The following PDE4D variants were observed in gnomAD, a reference collection of about 807,000 sequenced individuals.
The protein encoded by PDE4D is phosphodiesterase 4D.
A neutral mutation model predicts 87.4 loss-of-function variants in PDE4D; 24 were observed. The ratio of observed to expected loss-of-function variants is 0.27; its 90% confidence interval spans 0.20 to 0.39. The LOEUF is 0.39. Among genes scored for constraint, PDE4D ranks in the 10% least tolerant of loss-of-function variants. The pLI is 1.00. For missense variants in PDE4D, 714 were observed against 1,041.0 expected (o/e 0.69, Z 4.32); for synonymous variants, 384 against 383.2 (o/e 1.00, Z -0.02).
chr5:59,375,317 A>T lies in PDE4D; in HGVS notation c.456-159349T>A, dbSNP rs139282458. 4.1e-3 allele frequency among the ~76,000 whole-genome samples: 620 copies of T among 152,296 alleles called. 2 individuals are homozygous for T. The highest frequency in any genetic ancestry group is 6.6e-3 in the Non-Finnish European group (448 of 68,028). Reference sequence around the variant, plus strand: ...TAGATTAATAAAGAAGAAAAGAGAGAAGATTCAAATAAACACAATCAGAAA... The same window carrying T: ...TAGATTAATAAAGAAGAAAAGAGAGTAGATTCAAATAAACACAATCAGAAA... On this transcript the variant is annotated intron_variant, in intron 1 of 14. Transcript: ENST00000340635.
intron 2 of PDE4D, among the ~76,000 whole-genome samples, chr5:60,116,764 T>C (rs1397181947): frequency 1.3e-5 from 2 of 151,988 alleles, no homozygotes; most frequent in Admixed American, 6.6e-5. Flanking sequence ...TCATTGCCCA[T>C]AGGAAATGAC....
intron 1 of PDE4D, among the ~76,000 whole-genome samples, chr5:59,359,786 G>A (rs1221698633): frequency 1.3e-5 from 2 of 152,104 alleles, no homozygotes; most frequent in African/African-American, 4.8e-5. Context: ...ATGAATTTTA[G>A]TAAAAGCATG....
At chr5:60,227,534 G>A (rs1421285431) in intron 1 of PDE4D, among the ~76,000 whole-genome samples, 1 of 149,724 alleles carries the variant, frequency 6.7e-6, no homozygotes, top group East Asian at 2.0e-4. Flanking sequence ...AGGGAGGGAA[G>A]GGAGGAGGAG....
chr5:59,671,624 A>G (rs1398318215), intron 1 of PDE4D, among the ~76,000 whole-genome samples: 2 of 152,042 alleles, frequency 1.3e-5, no homozygotes, highest in Non-Finnish European at 2.9e-5. Flanking sequence ...CCTGGGTAAC[A>G]TGTCCAAACC....
rs55978420 is a variant in PDE4D at position 59,839,357 on chromosome 5, C to T, written c.455+53811G>A. ...AAGTTATCTACCAACAGTTGGGCTT[C>T]TCTCCTTCAACTCCTGCCTGGTTGA... On this transcript the variant is annotated intron_variant, in intron 1 of 14. Coordinates refer to ENST00000340635, the MANE Select transcript of PDE4D (RefSeq NM_001104631.2). Among the ~76,000 whole-genome samples the T allele has an allele frequency of 5.5e-3, 839 of 151,972 alleles. 5 individuals are homozygous for T. The highest frequency in any genetic ancestry group is 7.9e-3 in the Non-Finnish European group (536 of 67,918).
intron 6 of PDE4D, chr5:58,999,515 GTAAA>G: frequency 6.5e-7 from 1 of 1,532,982 alleles, no homozygotes; most frequent in Non-Finnish European, 8.9e-7. Flanking sequence ...GACACTGACA[GTAAA>G]TAGTTTGCTT....
At chr5:60,026,251 A>G (rs1023773092) in intron 2 of PDE4D, among the ~76,000 whole-genome samples, 1 of 152,174 alleles carries the variant, frequency 6.6e-6, no homozygotes, top group African/African-American at 2.4e-5. Context: ...AACAACAACA[A>G]CAGCAACAAA....
rs556946846 is a variant in PDE4D at position 60,457,003 on chromosome 5, G to A, written c.-90+30939C>T. On this transcript the variant is annotated intron_variant, in intron 1 of 16. Coordinates refer to the PDE4D transcript ENST00000502484. ...AGTGAGCTAGTGAGTGTTATCAGTCGAATAGGTCATCTACCCAACTTAATT... is the reference window on the plus strand; with the variant it reads ...AGTGAGCTAGTGAGTGTTATCAGTCAAATAGGTCATCTACCCAACTTAATT... 3.0e-4 allele frequency among the ~76,000 whole-genome samples: 45 copies of A among 152,224 alleles called. No individual in the cohort carries two copies. In the South Asian group the frequency reaches 5.8e-3, roughly 20 times the overall value.
intron 1 of PDE4D, chr5:59,313,993 T>C (rs1773191846): frequency 6.6e-6 from 1 of 152,318 alleles, no homozygotes; most frequent in African/African-American, 2.4e-5. Flanking sequence ...AGATCTATAA[T>C]ATCTCTTTCA....
intron 1 of PDE4D, among the ~76,000 whole-genome samples, chr5:60,353,095 A>G (rs953867904): frequency 5.9e-5 from 9 of 152,168 alleles, no homozygotes; most frequent in Non-Finnish European, 1.2e-4. Flanking sequence ...AGCCTTCAGA[A>G]ATAGTTCCCA....
intron 2 of PDE4D, among the ~76,000 whole-genome samples, chr5:60,057,919 T>C (rs1770956926): frequency 6.6e-6 from 1 of 152,012 alleles, no homozygotes; most frequent in African/African-American, 2.4e-5. Flanking sequence ...AGGTCTATAG[T>C]CCCCTAAAAT....
At chr5:59,877,879 A>G (rs1348839724) in intron 1 of PDE4D, among the ~76,000 whole-genome samples, 1 of 152,174 alleles carries the variant, frequency 6.6e-6, no homozygotes, top group African/African-American at 2.4e-5. Flanking sequence ...AAGCAAAAAA[A>G]GGATAATTTT....
intron 2 of PDE4D, among the ~76,000 whole-genome samples, chr5:60,002,947 A>G (rs1764146604): frequency 6.6e-6 from 1 of 152,216 alleles, no homozygotes. Flanking sequence ...AAGAAAAAGA[A>G]ATAAAAGGCA....
rs535319519 is a variant in PDE4D at position 60,437,722 on chromosome 5, T to C, written c.-90+50220A>G. On this transcript the variant is annotated intron_variant, in intron 1 of 16. Coordinates refer to the PDE4D transcript ENST00000502484. ...TGAGGATATTCTTTAGATCTTTGAATCCATTATGGAAATTCAGTTGCCAGT... is the reference window on the plus strand; with the variant it reads ...TGAGGATATTCTTTAGATCTTTGAACCCATTATGGAAATTCAGTTGCCAGT... Among the ~76,000 whole-genome samples, 7 of 152,272 alleles carry C rather than the reference T, an allele frequency of 4.6e-5. No individual in the cohort carries two copies. The East Asian group carries it at 1.4e-3, about 29-fold the overall frequency.
At chr5:59,846,045 C>T (rs776917892) in intron 1 of PDE4D, among the ~76,000 whole-genome samples, 8 of 151,976 alleles carry the variant, frequency 5.3e-5, no homozygotes, top group Non-Finnish European at 1.2e-4. Context: ...TATTTTAATT[C>T]TGCACTAAAG....
intron 2 of PDE4D, among the ~76,000 whole-genome samples, chr5:60,085,412 C>T (rs569890971): frequency 3.9e-5 from 6 of 152,164 alleles, no homozygotes; most frequent in Admixed American, 6.5e-5. Context: ...CACTTCCTAA[C>T]CTCCAGGCAT....
At chr5:60,084,912 A>G (rs1774366962) in intron 2 of PDE4D, among the ~76,000 whole-genome samples, 1 of 152,344 alleles carries the variant, frequency 6.6e-6, no homozygotes, top group Admixed American at 6.5e-5. Flanking sequence ...CCTGATTGAT[A>G]TAATACGGGC....
intron 1 of PDE4D, among the ~76,000 whole-genome samples, chr5:60,245,501 T>C (rs1423646704): frequency 6.6e-6 from 1 of 152,036 alleles, no homozygotes; most frequent in Non-Finnish European, 1.5e-5. Flanking sequence ...ATTGTAGCAC[T>C]AGTCACAATA....
In PDE4D at chr5:59,586,917, G is replaced by A. The variant is rs184045523; in HGVS notation, c.455+306251C>T. 9.1e-6 allele frequency: 9 copies of A among 985,232 alleles called. 1 individual carries two copies. The highest frequency in any genetic ancestry group is 1.1e-5 in the Non-Finnish European group (9 of 829,810). 61.0% of individuals were successfully genotyped at this position (985,232 alleles called of 1,614,324 possible). On this transcript the variant is annotated intron_variant, in intron 1 of 14. Transcript: ENST00000340635. ...CATATTCATGTATGGTCACTTTAAC[G>A]CAGTGCTACCGTCTGAGACGTGTCG... is the stretch of plus-strand genomic sequence containing the variant.
Sources: allele counts gnomAD v4.1 joint callset (sites outside exome capture counted in the v4.1 genomes callset), GRCh38; gene constraint gnomAD v4.1.1; transcripts MANE v1.5; gene names NCBI Gene and HGNC (gene_info 2026-07-23, HGNC 2026-07-21).